Variants in DPP10 observed in about 807,000 individuals in gnomAD.
DPP10 encodes dipeptidyl peptidase like 10.
In DPP10, 33 loss-of-function variants were observed where a neutral mutation model predicts 120.9. That is an observed-to-expected ratio of 0.27 (90% CI 0.21 to 0.37). The LOEUF (loss-of-function observed/expected upper bound fraction) is 0.37. Among genes scored for constraint, DPP10 ranks in the 10% least tolerant of loss-of-function variants. The pLI is 1.00. For synonymous variants in DPP10, 337 were observed against 326.1 expected (o/e 1.03, Z -0.36); for missense variants, 816 against 942.8 (o/e 0.87, Z 1.76).
At chr2:114,825,570 T>A (rs902875578) in intron 1 of DPP10, among the ~76,000 whole-genome samples, 2 of 152,228 alleles carry the variant, frequency 1.3e-5, no homozygotes, top group Non-Finnish European at 2.9e-5. Flanking sequence ...AATTACTTTC[T>A]TATCAGCTTA....
chr2:115,183,255 T>TA (rs1266764862), intron 1 of DPP10, among the ~76,000 whole-genome samples: 1 of 152,166 alleles, frequency 6.6e-6, no homozygotes, highest in African/African-American at 2.4e-5. Flanking sequence ...GAGATAGGTT[T>TA]TTTATTCACG....
chr2:114,992,715 A>G (rs932303368), intron 1 of DPP10, among the ~76,000 whole-genome samples: 5 of 152,258 alleles, frequency 3.3e-5, no homozygotes, highest in African/African-American at 4.8e-5. Context: ...GAGAATAAAC[A>G]GGGTTCAGTT....
At chr2:114,663,221 T>G (rs543863211) in intron 1 of DPP10, among the ~76,000 whole-genome samples, 1 of 150,206 alleles carries the variant, frequency 6.7e-6, no homozygotes, top group East Asian at 2.0e-4. Flanking sequence ...TAAACAGATG[T>G]GTATATTAAG....
At chr2:114,527,292 G>C (rs1329596216) in intron 1 of DPP10, among the ~76,000 whole-genome samples, 3 of 152,060 alleles carry the variant, frequency 2.0e-5, no homozygotes, top group African/African-American at 7.2e-5. Context: ...ATAAAAAATT[G>C]AATTCCTTAA....
intron 1 of DPP10, among the ~76,000 whole-genome samples, chr2:114,711,495 G>C (rs1007807130): frequency 7.9e-5 from 12 of 152,134 alleles, no homozygotes; most frequent in African/African-American, 2.9e-4. Context: ...GTACCTCTGT[G>C]TTTCAGGTTC....
At chr2:114,591,132 GC>G (rs1691426649) in intron 1 of DPP10, among the ~76,000 whole-genome samples, 1 of 152,188 alleles carries the variant, frequency 6.6e-6, no homozygotes, top group Non-Finnish European at 1.5e-5. Flanking sequence ...AGGTATCACA[GC>G]CCACTTAAAA....
At chr2:114,774,659 A>G (rs1260501208) in intron 1 of DPP10, among the ~76,000 whole-genome samples, 1 of 147,504 alleles carries the variant, frequency 6.8e-6, no homozygotes, top group African/African-American at 2.5e-5. Context: ...AATTATCAAT[A>G]ATGATGTATA....
intron 1 of DPP10, among the ~76,000 whole-genome samples, chr2:114,982,234 C>T (rs1440511303): frequency 1.3e-5 from 2 of 152,148 alleles, no homozygotes; most frequent in Non-Finnish European, 2.9e-5. Context: ...TAAATTTAAA[C>T]TATTAACTTT....
intron 1 of DPP10, among the ~76,000 whole-genome samples, chr2:114,763,827 T>C (rs1451531847): frequency 6.6e-6 from 1 of 152,194 alleles, no homozygotes; most frequent in Non-Finnish European, 1.5e-5. Flanking sequence ...AGCTTGAATA[T>C]GGAAGTCTTG....
intron 7 of DPP10, among the ~76,000 whole-genome samples, chr2:115,716,623 A>G (rs1440521638): frequency 1.3e-5 from 2 of 152,140 alleles, no homozygotes; most frequent in African/African-American, 2.4e-5. Context: ...GGCATTTTGG[A>G]ACCAAGTTCG....
chr2:114,824,301 A>G (rs1417713125), intron 1 of DPP10, among the ~76,000 whole-genome samples: 2 of 152,238 alleles, frequency 1.3e-5, no homozygotes, highest in African/African-American at 2.4e-5. Flanking sequence ...AGATAATAGT[A>G]TGTGACTGAT....
At chr2:115,796,097 C>T (rs1684497871) in intron 19 of DPP10, among the ~76,000 whole-genome samples, 1 of 152,048 alleles carries the variant, frequency 6.6e-6, no homozygotes, top group South Asian at 2.1e-4. Context: ...TTTTTCTCTT[C>T]GTTTTTATCT....
chr2:114,973,768 C>G (rs988595142), intron 1 of DPP10, among the ~76,000 whole-genome samples: 1 of 151,540 alleles, frequency 6.6e-6, no homozygotes, highest in Non-Finnish European at 1.5e-5. Flanking sequence ...GCTCCATGCA[C>G]GTTACTGCTG....
At chr2:115,508,724 G>A (rs949505726) in intron 4 of DPP10, among the ~76,000 whole-genome samples, 3 of 152,074 alleles carry the variant, frequency 2.0e-5, no homozygotes, top group Admixed American at 1.3e-4. Flanking sequence ...CCAACATGGC[G>A]AAACCCCATC....
chr2:114,541,694 G>A lies in DPP10; in HGVS notation c.60+98856G>A, dbSNP rs1004558172. ...TTATACCTGATGGCATGTTACCAAA[G>A]CACATTGACAGAAAGTTTAAATTTT... is the stretch of plus-strand genomic sequence containing the variant. On this transcript the variant is annotated intron_variant, in intron 1 of 25. Coordinates refer to ENST00000410059, the MANE Select transcript of DPP10 (RefSeq NM_020868.6). Among the ~76,000 whole-genome samples, 6 of 152,008 alleles carry A rather than the reference G, an allele frequency of 3.9e-5. No homozygotes were observed. In the East Asian group the frequency reaches 1.2e-3, roughly 29 times the overall value.
chr2:114,686,833 T>A (rs1699402471), intron 1 of DPP10, among the ~76,000 whole-genome samples: 1 of 151,878 alleles, frequency 6.6e-6, no homozygotes, highest in African/African-American at 2.4e-5. Flanking sequence ...CTATTTAACA[T>A]AATTCAAGTA....
At chr2:115,804,705 C>A (rs867578913) in intron 19 of DPP10, among the ~76,000 whole-genome samples, 8 of 152,210 alleles carry the variant, frequency 5.3e-5, no homozygotes, top group African/African-American at 1.9e-4. Context: ...ACTCCAGACC[C>A]TGTTTGCCTG....
intron 1 of DPP10, among the ~76,000 whole-genome samples, chr2:114,851,396 T>C (rs1310469446): frequency 2.0e-5 from 3 of 152,160 alleles, no homozygotes; most frequent in Non-Finnish European, 2.9e-5. Flanking sequence ...AAATCTATAG[T>C]TTAACTTAAC....
intron 4 of DPP10, among the ~76,000 whole-genome samples, chr2:115,525,048 T>C (rs2078042773): frequency 1.3e-5 from 2 of 152,276 alleles, no homozygotes; most frequent in East Asian, 1.9e-4. Flanking sequence ...AGCAGTCTTA[T>C]GGAAACTATA....
Sources: gnomAD v4.1 joint callset for allele counts (sites outside exome capture counted in the v4.1 genomes callset) on GRCh38, gnomAD v4.1.1 for gene constraint, MANE v1.5 for transcripts, NCBI Gene and HGNC (gene_info 2026-07-23, HGNC 2026-07-21) for gene names.